LARGE1: variants seen among roughly 807,000 people sequenced by gnomAD.
LARGE1 encodes the protein LARGE xylosyl- and glucuronyltransferase 1.
In LARGE1, 43 loss-of-function variants were observed where a neutral mutation model predicts 87.6. The ratio of observed to expected loss-of-function variants is 0.49; its 90% CI spans 0.38 to 0.63. LARGE1 has a LOEUF of 0.63. Among genes scored for constraint, LARGE1 ranks in the 30% least tolerant of loss-of-function variants. The pLI, the probability that LARGE1 is intolerant of heterozygous loss-of-function variation, is 0.00. For missense variants in LARGE1, 802 were observed against 1,000.2 expected (o/e 0.80, Z 2.67); for synonymous variants, 434 against 394.6 (o/e 1.10, Z -1.18).
intron 1 of LARGE1, among the ~76,000 whole-genome samples, chr22:33,828,506 T>A (rs1330541913): frequency 1.3e-5 from 2 of 152,236 alleles, no homozygotes; most frequent in Non-Finnish European, 2.9e-5. Flanking sequence ...GAAGCCAGGT[T>A]TGGGTGGCAA....
At chr22:33,089,612 C>G in the LARGE1 span, among the ~76,000 whole-genome samples, 1 of 151,806 alleles carries the variant, frequency 6.6e-6, no homozygotes, top group African/African-American at 2.4e-5. Context: ...ATCCTGCCAC[C>G]TCAGCCTCCT....
intron 6 of LARGE1, among the ~76,000 whole-genome samples, chr22:33,450,765 A>G (rs2067882877): frequency 1.3e-5 from 2 of 152,212 alleles, no homozygotes; most frequent in South Asian, 4.1e-4. Context: ...TCCCAAGATC[A>G]CACAGATGAG....
chr22:33,757,961 G>A (rs1287920052), intron 2 of LARGE1, among the ~76,000 whole-genome samples: 1 of 152,168 alleles, frequency 6.6e-6, no homozygotes, highest in Admixed American at 6.5e-5. Flanking sequence ...GTCAGGCAGG[G>A]TCAGATGGGT....
chr22:33,380,277 C>T (rs1015252978), intron 9 of LARGE1, among the ~76,000 whole-genome samples: 1 of 152,122 alleles, frequency 6.6e-6, no homozygotes, highest in Admixed American at 6.5e-5. Context: ...TTCTAACAAG[C>T]ACATGATATA....
intron 2 of LARGE1, among the ~76,000 whole-genome samples, chr22:33,707,843 C>T (rs1311088668): frequency 6.6e-6 from 1 of 152,134 alleles, no homozygotes; most frequent in African/African-American, 2.4e-5. Context: ...CGAGAACCCC[C>T]ATAAAAATCA....
At chr22:33,646,962 C>G (rs1305105247) in intron 3 of LARGE1, among the ~76,000 whole-genome samples, 1 of 152,254 alleles carries the variant, frequency 6.6e-6, no homozygotes, top group South Asian at 2.1e-4. Flanking sequence ...CTCCTGAACT[C>G]AGGTGATCCA....
chr22:33,859,717 T>C (rs552869207), intron 1 of LARGE1, among the ~76,000 whole-genome samples: 1 of 152,344 alleles, frequency 6.6e-6, no homozygotes, highest in African/African-American at 2.4e-5. Context: ...CAACCCATTA[T>C]GACATGTATG....
chr22:33,088,105 A>G, the LARGE1 span, among the ~76,000 whole-genome samples: 1 of 151,994 alleles, frequency 6.6e-6, no homozygotes, highest in Non-Finnish European at 1.5e-5. Context: ...ATATACCCCA[A>G]CTTTACATCT....
chr22:33,314,773 T>C (rs1213460275), intron 11 of LARGE1, among the ~76,000 whole-genome samples: 2 of 152,076 alleles, frequency 1.3e-5, no homozygotes, highest in Non-Finnish European at 2.9e-5. Flanking sequence ...GTGGGCCATG[T>C]GTAAATTGAA....
chr22:33,496,646 G>A (rs535674932), intron 6 of LARGE1, among the ~76,000 whole-genome samples: 1 of 152,132 alleles, frequency 6.6e-6, no homozygotes, highest in Non-Finnish European at 1.5e-5. Flanking sequence ...ACCACGACAG[G>A]ACTAAAGAAA....
chr22:33,749,437 G>C (rs1211531197), intron 2 of LARGE1, among the ~76,000 whole-genome samples: 1 of 152,186 alleles, frequency 6.6e-6, no homozygotes, highest in African/African-American at 2.4e-5. Context: ...TTATGGAGAA[G>C]AAACTGACCT....
At chr22:33,883,657 T>C (rs1015782819) in intron 1 of LARGE1, among the ~76,000 whole-genome samples, 3 of 152,250 alleles carry the variant, frequency 2.0e-5, no homozygotes, top group Non-Finnish European at 4.4e-5. Context: ...GACCCCTCTG[T>C]GGTCTCTCTA....
chr22:33,548,146 C>T (rs2077416967), intron 6 of LARGE1, among the ~76,000 whole-genome samples: 1 of 152,144 alleles, frequency 6.6e-6, no homozygotes, highest in Non-Finnish European at 1.5e-5. Flanking sequence ...GGGGTGGATC[C>T]TTCACAAATG....
chr22:33,362,525 G>C (rs1010925089), intron 9 of LARGE1, among the ~76,000 whole-genome samples: 1 of 149,684 alleles, frequency 6.7e-6, no homozygotes, highest in Non-Finnish European at 1.5e-5. Context: ...TGGACACCTA[G>C]GGCAAAGTAG....
At chr22:33,738,318 A>G (rs239328) in intron 2 of LARGE1, among the ~76,000 whole-genome samples, 92,473 of 151,942 alleles carry the variant, frequency 0.61, 30,073 homozygotes, top group African/African-American at 0.84. Context: ...GGTGGTCTGG[A>G]TATGAAGGCT....
At chr22:33,374,560 A>T (rs932617081) in intron 9 of LARGE1, among the ~76,000 whole-genome samples, 15 of 152,190 alleles carry the variant, frequency 9.9e-5, no homozygotes, top group African/African-American at 3.6e-4. Flanking sequence ...GGTTTCCATG[A>T]ATCAAAATTC....
intron 2 of LARGE1, among the ~76,000 whole-genome samples, chr22:33,680,470 G>T (rs777021895): frequency 2.1e-4 from 32 of 148,848 alleles, no homozygotes; most frequent in African/African-American, 6.1e-4. Flanking sequence ...TGGGGTGGGG[G>T]GCAGAAGAGA....
chr22:33,628,099 A>C (rs2079982638), intron 3 of LARGE1, among the ~76,000 whole-genome samples: 1 of 152,120 alleles, frequency 6.6e-6, no homozygotes. Context: ...CCTGCTCCCA[A>C]GAAGAAAGAG....
At chr22:33,368,408 C>T (rs1461539108) in intron 9 of LARGE1, among the ~76,000 whole-genome samples, 1 of 151,790 alleles carries the variant, frequency 6.6e-6, no homozygotes, top group Admixed American at 6.6e-5. Context: ...GTGGCGGGCA[C>T]CTGTAGTCCT....
Sources: allele counts gnomAD v4.1 joint callset (sites outside exome capture counted in the v4.1 genomes callset), GRCh38; gene constraint gnomAD v4.1.1; transcripts MANE v1.5; gene names NCBI Gene and HGNC (gene_info 2026-07-23, HGNC 2026-07-21).